Variants in MAPK4 observed in about 807,000 individuals in gnomAD.
The protein encoded by MAPK4 is mitogen-activated protein kinase 4, also known as Erk3-related.
MAPK4 carries 22 observed loss-of-function variants against 47.7 expected under a neutral mutation model. That is an observed-to-expected ratio of 0.46 (90% confidence interval 0.33 to 0.66). The LOEUF (loss-of-function observed/expected upper bound fraction) is 0.66. MAPK4 is among the 30% of genes least tolerant of loss of function. The pLI is 0.02. For missense variants in MAPK4, 736 were observed against 831.7 expected (o/e 0.88, Z 1.42); for synonymous variants, 390 against 365.7 (o/e 1.07, Z -0.76).
At chr18:50,580,119 TC>T (rs953346387) in intron 1 of MAPK4, among the ~76,000 whole-genome samples, 6 of 152,116 alleles carry the variant, frequency 3.9e-5, no homozygotes, top group African/African-American at 1.2e-4. Flanking sequence ...AGGCTCCACC[TC>T]CCCTGTCATC....
intron 2 of MAPK4, among the ~76,000 whole-genome samples, chr18:50,700,147 C>T (rs532029749): frequency 5.4e-4 from 83 of 152,316 alleles, no homozygotes; most frequent in African/African-American, 1.8e-3. Context: ...CTTCTAATCA[C>T]AGTCATCCCC....
intron 1 of MAPK4, among the ~76,000 whole-genome samples, chr18:50,621,804 A>C (rs2042734169): frequency 6.6e-6 from 1 of 152,226 alleles, no homozygotes; most frequent in African/African-American, 2.4e-5. Context: ...GAGTTTCTTG[A>C]GGGTCTCCCA....
At chr18:50,691,139 T>C (rs1321705499) in intron 2 of MAPK4, among the ~76,000 whole-genome samples, 1 of 152,070 alleles carries the variant, frequency 6.6e-6, no homozygotes, top group Non-Finnish European at 1.5e-5. Context: ...ACTACAGGTG[T>C]GTGCCACCAA....
chr18:50,663,845 C>A lies in MAPK4; in HGVS notation c.-114C>A. The stretch of plus-strand genomic sequence containing the variant: ...TGACCTCACTAGGAGAAAACACATC[C>A]CTCAGCCGTGGGACTTGACAGAATG... On this transcript the variant is annotated 5_prime_UTR_variant, in exon 2 of 6. Coordinates refer to ENST00000400384, the MANE Select transcript of MAPK4 (RefSeq NM_002747.4). The A allele has an allele frequency of 1.1e-6, 1 of 885,276 alleles. No homozygotes were observed. Among genetic ancestry groups the A allele is most frequent in the Non-Finnish European group, 1.7e-6 (1 of 576,736 alleles). The allele number at this position is 885,276 out of a possible 1,614,324, so 54.8% of individuals were successfully genotyped here. A position where few individuals can be genotyped will look rare whatever the true frequency, so the allele number is the denominator to read the frequency against.
intron 1 of MAPK4, among the ~76,000 whole-genome samples, chr18:50,572,330 A>AT (rs981405471): frequency 2.4e-4 from 36 of 152,192 alleles, no homozygotes; most frequent in African/African-American, 8.2e-4. Context: ...ATAACTGTCC[A>AT]TTTTTTTATA....
chr18:50,657,933 G>A (rs971230751), intron 1 of MAPK4, among the ~76,000 whole-genome samples: 1 of 152,056 alleles, frequency 6.6e-6, no homozygotes, highest in Non-Finnish European at 1.5e-5. Context: ...AACGTTTCCT[G>A]GGTAGGTGGC....
chr18:50,686,459 T>A (rs1471198813), intron 2 of MAPK4, among the ~76,000 whole-genome samples: 1 of 152,212 alleles, frequency 6.6e-6, no homozygotes, highest in African/African-American at 2.4e-5. Context: ...TTTGTCCACA[T>A]GATATTCTTT....
At chr18:50,563,994 G>A (rs2042177056) in intron 1 of MAPK4, among the ~76,000 whole-genome samples, 2 of 152,172 alleles carry the variant, frequency 1.3e-5, no homozygotes, top group African/African-American at 4.8e-5. Context: ...GTGGGTGTTG[G>A]AGGTAATTGG....
chr18:50,695,404 T>A (rs1203970111), intron 2 of MAPK4, among the ~76,000 whole-genome samples: 1 of 149,458 alleles, frequency 6.7e-6, no homozygotes, highest in Non-Finnish European at 1.5e-5. Context: ...AAGTGTCATG[T>A]ATAGCCAGTG....
At chr18:50,561,177 T>C (rs1413487375) in intron 1 of MAPK4, among the ~76,000 whole-genome samples, 1 of 152,230 alleles carries the variant, frequency 6.6e-6, no homozygotes, top group Non-Finnish European at 1.5e-5. Context: ...CCGCGTACTG[T>C]CACGCGCCTC....
chr18:50,573,323 G>A (rs764046656), intron 1 of MAPK4, among the ~76,000 whole-genome samples: 8 of 152,072 alleles, frequency 5.3e-5, no homozygotes, highest in African/African-American at 9.7e-5. Context: ...GAACCAGGCC[G>A]CACAGCAGGA....
At chr18:50,692,258 G>A (rs971413175) in intron 2 of MAPK4, among the ~76,000 whole-genome samples, 1 of 152,162 alleles carries the variant, frequency 6.6e-6, no homozygotes, top group African/African-American at 2.4e-5. Flanking sequence ...TTCTCACCCA[G>A]AGGCTCCATG....
chr18:50,619,016 G>A (rs2042708471), intron 1 of MAPK4, among the ~76,000 whole-genome samples: 1 of 152,196 alleles, frequency 6.6e-6, no homozygotes, highest in Non-Finnish European at 1.5e-5. Flanking sequence ...ATGCAAGAAG[G>A]TGAATGTAAA....
intron 1 of MAPK4, among the ~76,000 whole-genome samples, chr18:50,601,697 G>A (rs2196643): frequency 1 from 151,764 of 152,302 alleles, 75,617 homozygotes; most frequent in East Asian, 1. Context: ...CTGCAGTATA[G>A]TATCAATTTA....
chr18:50,704,252 G>A (rs978788808), intron 2 of MAPK4, among the ~76,000 whole-genome samples: 1 of 152,208 alleles, frequency 6.6e-6, no homozygotes, highest in African/African-American at 2.4e-5. Flanking sequence ...TCTTATGCCT[G>A]TAATCCTAGC....
chr18:50,585,414 T>C (rs1399045015), intron 1 of MAPK4, among the ~76,000 whole-genome samples: 1 of 152,194 alleles, frequency 6.6e-6, no homozygotes, highest in Non-Finnish European at 1.5e-5. Context: ...AGGTGGGGCC[T>C]CTACCTCTCT....
In MAPK4 at chr18:50,729,788, T is replaced by G. The variant is rs1162270257; in HGVS notation, c.1698T>G (p.Gly566=). The change falls in exon 6 of 6, where the codon GGT becomes GGG. Residue 566 remains glycine (G), a synonymous_variant. Transcript: ENST00000400384. ...ACAATAAACTGGGCGACCTCAATGGTGCGTGCATCCCCGAGCACCCTGGCG... is the reference window on the plus strand; with the variant it reads ...ACAATAAACTGGGCGACCTCAATGGGGCGTGCATCCCCGAGCACCCTGGCG... ...LPDNKLGDLN[G]ACIPEHPGDL... 2 of 1,612,322 alleles carry G rather than the reference T, an allele frequency of 1.2e-6. No homozygotes were observed. The highest frequency in any genetic ancestry group is 1.7e-5 in the Admixed American group (1 of 59,978).
chr18:50,626,201 C>T (rs1018426419), intron 1 of MAPK4, among the ~76,000 whole-genome samples: 2 of 152,194 alleles, frequency 1.3e-5, no homozygotes, highest in Non-Finnish European at 2.9e-5. Context: ...CAAATCTCAT[C>T]CAAAAACATC....
intron 1 of MAPK4, among the ~76,000 whole-genome samples, chr18:50,635,569 G>A (rs1156534547): frequency 6.6e-6 from 1 of 152,194 alleles, no homozygotes; most frequent in Non-Finnish European, 1.5e-5. Context: ...CCCTAAAAAT[G>A]CAAATATGAT....
Sources: allele counts gnomAD v4.1 joint callset (sites outside exome capture counted in the v4.1 genomes callset), GRCh38; gene constraint gnomAD v4.1.1; transcripts MANE v1.5; gene names NCBI Gene and HGNC (gene_info 2026-07-23, HGNC 2026-07-21).